Variants in PPP3CC observed in about 807,000 individuals in gnomAD.
The protein encoded by PPP3CC is protein phosphatase 3 catalytic subunit gamma.
In PPP3CC, 35 loss-of-function variants were observed where a neutral mutation model predicts 60.3. The ratio of observed to expected loss-of-function variants is 0.58; its 90% CI spans 0.44 to 0.77. PPP3CC has a LOEUF of 0.77. PPP3CC is among the 30% of genes least tolerant of loss of function. PPP3CC has a pLI of 0.00. For missense variants in PPP3CC, 570 were observed against 628.9 expected, an observed-to-expected ratio of 0.91 and a Z score of 1.00; for synonymous variants, 206 against 224.3, an observed-to-expected ratio of 0.92 and a Z score of 0.73.
intron 1 of PPP3CC, among the ~76,000 whole-genome samples, chr8:22,474,204 A>C (rs1837818198): frequency 6.6e-6 from 1 of 152,128 alleles, no homozygotes; most frequent in South Asian, 2.1e-4. Context: ...CGAGACTTCT[A>C]AAACATAGGT....
At chr8:22,472,609 A>G (rs945324119) in intron 1 of PPP3CC, among the ~76,000 whole-genome samples, 1 of 152,092 alleles carries the variant, frequency 6.6e-6, no homozygotes, top group Non-Finnish European at 1.5e-5. Context: ...AAATTTGCCC[A>G]TGGTGTTTTG....
chr8:22,483,881 C>T (rs1032995056), intron 3 of PPP3CC, among the ~76,000 whole-genome samples: 1 of 152,074 alleles, frequency 6.6e-6, no homozygotes, highest in Non-Finnish European at 1.5e-5. Context: ...TGCTCTGTCA[C>T]CCAGACTGGA....
intron 3 of PPP3CC, among the ~76,000 whole-genome samples, chr8:22,485,868 C>T (rs890264992): frequency 6.6e-6 from 1 of 152,184 alleles, no homozygotes; most frequent in African/African-American, 2.4e-5. Flanking sequence ...TAGTAAGGTT[C>T]TGGAGAGCTT....
intron 6 of PPP3CC, among the ~76,000 whole-genome samples, chr8:22,521,546 C>T (rs1017374943): frequency 3.3e-5 from 5 of 152,168 alleles, no homozygotes; most frequent in Non-Finnish European, 7.3e-5. Flanking sequence ...AAGGTTCTTA[C>T]AATGGCACTT....
intron 12 of PPP3CC, among the ~76,000 whole-genome samples, chr8:22,537,433 T>G (rs1191509614): frequency 6.6e-6 from 1 of 152,164 alleles, no homozygotes; most frequent in Non-Finnish European, 1.5e-5. Flanking sequence ...GTGGAGAAAT[T>G]GGGACCTTCT....
chr8:22,443,354 T>C (rs1836731569), intron 1 of PPP3CC, among the ~76,000 whole-genome samples: 1 of 151,982 alleles, frequency 6.6e-6, no homozygotes. Context: ...AAACTCCATC[T>C]CTACTAAACA....
intron 1 of PPP3CC, among the ~76,000 whole-genome samples, chr8:22,462,575 C>CTT (rs779444558): frequency 2.1e-5 from 3 of 142,926 alleles, no homozygotes; most frequent in Non-Finnish European, 3.1e-5. Flanking sequence ...TTTCTTTTTT[C>CTT]TTTTTTTTTT....
intron 1 of PPP3CC, among the ~76,000 whole-genome samples, chr8:22,460,293 A>C (rs1365311267): frequency 6.6e-6 from 1 of 152,174 alleles, no homozygotes; most frequent in Non-Finnish European, 1.5e-5. Flanking sequence ...TTGATACTAC[A>C]TGGATAATAC....
At chr8:22,480,975 T>C (rs945860595) in intron 3 of PPP3CC, among the ~76,000 whole-genome samples, 4 of 152,108 alleles carry the variant, frequency 2.6e-5, no homozygotes, top group African/African-American at 7.2e-5. Context: ...TTTGGGGACG[T>C]TTGTCAAAGA....
rs138510769 is a variant in PPP3CC at position 22,523,490 on chromosome 8, A to G, written c.943+741A>G. 3.9e-3 allele frequency among the ~76,000 whole-genome samples: 589 copies of G among 152,312 alleles called. 2 individuals carry two copies. Among genetic ancestry groups the G allele is most frequent in the African/African-American group, 0.014 (573 of 41,570 alleles). On this transcript the variant is annotated intron_variant, in intron 8 of 13. Transcript: ENST00000240139. ...GTTTATAAAGTATGACTATAAATTA[A>G]TAGGACTTTGAAAATAAACATGCCA...
intron 3 of PPP3CC, among the ~76,000 whole-genome samples, chr8:22,495,569 A>G (rs144990257): frequency 9.2e-4 from 139 of 151,542 alleles, no homozygotes; most frequent in African/African-American, 3.0e-3. Flanking sequence ...TATTATTATT[A>G]TTGTTATTAT....
At chr8:22,508,777 T>C (rs972831077) in intron 4 of PPP3CC, among the ~76,000 whole-genome samples, 1 of 152,228 alleles carries the variant, frequency 6.6e-6, no homozygotes, top group Non-Finnish European at 1.5e-5. Context: ...AGTCAATCAC[T>C]GACCACAAAT....
At position 22,462,644 on chromosome 8, in the gene PPP3CC, C is replaced by T. The variant is rs188511177; in HGVS notation, c.50-12310C>T. On this transcript the variant is annotated intron_variant, in intron 1 of 13. Transcript: ENST00000240139. ...GGAGTGCGGTGGCACGATCTCGGCT[C>T]ACTGCAAGCTCCGCCTCCTGAGTTC... Among the ~76,000 whole-genome samples, 1,046 of 151,528 alleles carry T rather than the reference C, an allele frequency of 6.9e-3. 19 individuals carry two copies. The highest frequency in any genetic ancestry group is 0.024 in the African/African-American group (1,003 of 41,238).
At chr8:22,443,605 G>C (rs933792521) in intron 1 of PPP3CC, among the ~76,000 whole-genome samples, 5 of 151,622 alleles carry the variant, frequency 3.3e-5, no homozygotes, top group Admixed American at 1.3e-4. Flanking sequence ...TATCCTGCAG[G>C]ATGCAAATTT....
chr8:22,492,510 A>G (rs1217487997), intron 3 of PPP3CC: 1 of 292,296 alleles, frequency 3.4e-6, no homozygotes, highest in African/African-American at 2.2e-5. Context: ...TTGAGCTGCC[A>G]TCTTGCGTCC....
intron 3 of PPP3CC, among the ~76,000 whole-genome samples, chr8:22,478,993 A>G (rs539082804): frequency 4.6e-5 from 7 of 152,332 alleles, no homozygotes; most frequent in Admixed American, 3.9e-4. Flanking sequence ...TGACAATGAC[A>G]TTTTATACCA....
rs1258596585 is a variant in PPP3CC at position 22,540,906 on chromosome 8, G to T, written c.*104G>T. 1.9e-6 allele frequency: 2 copies of T among 1,044,316 alleles called. No homozygotes were observed. Among genetic ancestry groups the T allele is most frequent in the East Asian group, 2.9e-5 (1 of 34,900 alleles). 64.7% of individuals were successfully genotyped at this position (1,044,316 alleles called of 1,614,324 possible). On this transcript the variant is annotated 3_prime_UTR_variant, in exon 14 of 14. Transcript: ENST00000240139. ...CAACTCAAAACAACTTCAACGTGGA[G>T]GTGCATTTATAATTCAGTCTGCATT...
chr8:22,446,660 A>G (rs10099515), intron 1 of PPP3CC, among the ~76,000 whole-genome samples: 92,777 of 151,680 alleles, frequency 0.61, 28,900 homozygotes, highest in African/African-American at 0.73. Context: ...ACAAAAATTA[A>G]CTAGGCATGG....
In PPP3CC at chr8:22,514,700, TCC is replaced by T. The variant is rs745381867; in HGVS notation, c.770+1269_770+1270del. On this transcript the variant is annotated intron_variant, in intron 6 of 13. Transcript: ENST00000240139. The stretch of plus-strand genomic sequence containing the variant: ...TTTTTTTCACCTTTTTTTTTTTTTT[TCC>T]TTTTTTGAGACGGAGTCTTGCTCGG... 1.7e-3 allele frequency among the ~76,000 whole-genome samples: 233 copies of T among 137,928 alleles called. 1 individual carries two copies. The highest frequency in any genetic ancestry group is 1.9e-3 in the African/African-American group (70 of 37,210). The allele number at this position is 137,928 out of a possible 152,430, so 90.5% of individuals were successfully genotyped here.
Sources: gnomAD v4.1 joint callset for allele counts (sites outside exome capture counted in the v4.1 genomes callset) on GRCh38, gnomAD v4.1.1 for gene constraint, MANE v1.5 for transcripts, NCBI Gene and HGNC (gene_info 2026-07-23, HGNC 2026-07-21) for gene names.